Variants in KCNN3 observed in about 807,000 individuals in gnomAD.
KCNN3 encodes small conductance calcium-activated potassium channel protein 3.
In KCNN3, 16 loss-of-function variants were observed where a neutral mutation model predicts 62.9. The ratio of observed to expected loss-of-function variants is 0.25; its 90% CI spans 0.17 to 0.39. The LOEUF is 0.39. KCNN3 is among the 10% of genes least tolerant of loss of function. The pLI, the probability that KCNN3 is intolerant of heterozygous loss-of-function variation, is 1.00. For missense variants in KCNN3, 599 were observed against 949.4 expected (o/e 0.63, Z 4.85); for synonymous variants, 370 against 389.2 (o/e 0.95, Z 0.58).
chr1:154,750,153 G>A (rs1397871846), intron 3 of KCNN3, among the ~76,000 whole-genome samples: 1 of 152,218 alleles, frequency 6.6e-6, no homozygotes, highest in African/African-American at 2.4e-5. Flanking sequence ...ACTATATGGA[G>A]AAAGGAATGG....
chr1:154,829,931 A>C (rs1296757643), intron 1 of KCNN3, among the ~76,000 whole-genome samples: 4 of 151,936 alleles, frequency 2.6e-5, no homozygotes, highest in African/African-American at 9.7e-5. Context: ...CCATTTTCCC[A>C]CTGATGTTGT....
chr1:154,776,379 G>C (rs1648791114), intron 2 of KCNN3, among the ~76,000 whole-genome samples: 1 of 152,292 alleles, frequency 6.6e-6, no homozygotes, highest in Non-Finnish European at 1.5e-5. Context: ...GGATTATTAA[G>C]CTGGCTGGCC....
chr1:154,843,728 C>G (rs1415570985), intron 1 of KCNN3, among the ~76,000 whole-genome samples: 1 of 152,200 alleles, frequency 6.6e-6, no homozygotes, highest in Non-Finnish European at 1.5e-5. Flanking sequence ...CCCGGAGACT[C>G]CTTCTCACCC....
At chr1:154,758,035 G>C (rs1308137524) in intron 3 of KCNN3, among the ~76,000 whole-genome samples, 1 of 152,206 alleles carries the variant, frequency 6.6e-6, no homozygotes, top group African/African-American at 2.4e-5. Flanking sequence ...TTAACCGCCA[G>C]CCTATGGTAC....
Position 154,697,878 on chromosome 1 carries a change from T to A in KCNN3, c.*10098A>T, listed in dbSNP as rs1699771416. 1 of 152,166 alleles carries A rather than the reference T, an allele frequency of 6.6e-6. No individual in the cohort carries two copies. The highest frequency in any genetic ancestry group is 1.5e-5 in the Non-Finnish European group (1 of 68,024). The allele number at this position is 152,166 out of a possible 1,614,324, so 9.4% of individuals were successfully genotyped here. A position where few individuals can be genotyped will look rare whatever the true frequency, so the allele number is the denominator to read the frequency against. ...TGTAGATGAGTCATTTGCTCCTCAGTTTTCTATGGCCCAATTTTCCCATTG... is the reference window on the plus strand; with the variant it reads ...TGTAGATGAGTCATTTGCTCCTCAGATTTCTATGGCCCAATTTTCCCATTG... On this transcript the variant is annotated 3_prime_UTR_variant, in exon 8 of 8. Transcript: ENST00000271915.
chr1:154,824,062 C>A lies in KCNN3; in HGVS notation c.934-1878G>T, dbSNP rs114394332. Among the ~76,000 whole-genome samples, 557 of 152,300 alleles carry A rather than the reference C, an allele frequency of 3.7e-3. 7 individuals are homozygous for A. The highest frequency in any genetic ancestry group is 0.013 in the African/African-American group (537 of 41,550). On this transcript the variant is annotated intron_variant, in intron 1 of 7. Coordinates refer to ENST00000271915, the MANE Select transcript of KCNN3 (RefSeq NM_002249.6). The stretch of plus-strand genomic sequence containing the variant: ...ATTCACTCTTTCACAAAAATTTCAA[C>A]CACTTCTCATTTGCTGAGCACTTGC...
At chr1:154,804,142 C>T (rs1007485035) in intron 2 of KCNN3, among the ~76,000 whole-genome samples, 1 of 152,192 alleles carries the variant, frequency 6.6e-6, no homozygotes, top group African/African-American at 2.4e-5. Context: ...AAGAGACTGG[C>T]TGTTTTCTTG....
chr1:154,779,556 AGTT>A (rs1347603600), intron 2 of KCNN3, among the ~76,000 whole-genome samples: 1 of 152,226 alleles, frequency 6.6e-6, no homozygotes, highest in Non-Finnish European at 1.5e-5. Context: ...GCATTTAAAA[AGTT>A]ATTTTGCAAG....
At chr1:154,829,935 ATGT>A (rs1307930160) in intron 1 of KCNN3, among the ~76,000 whole-genome samples, 3 of 152,020 alleles carry the variant, frequency 2.0e-5, no homozygotes, top group African/African-American at 7.2e-5. Flanking sequence ...TTTCCCACTG[ATGT>A]TGTTCTCACA....
rs796455925 is a variant in KCNN3, at chr1:154,722,052, T to C, written c.1701+3864A>G. The stretch of plus-strand genomic sequence containing the variant: ...CAGAAATTGAGTTCTTACCCAGTGC[T>C]ATCAGACCCTCTTCCCTCCCTACAA... On this transcript the variant is annotated intron_variant, in intron 5 of 7. Coordinates refer to ENST00000271915, the MANE Select transcript of KCNN3 (RefSeq NM_002249.6). 5.9e-5 allele frequency among the ~76,000 whole-genome samples: 9 copies of C among 152,152 alleles called. 3 individuals are homozygous for C. Among genetic ancestry groups the C allele is most frequent in the African/African-American group, 2.2e-4 (9 of 41,490 alleles).
Position 154,869,926 on chromosome 1 carries a change from C to T in KCNN3, c.39G>A (p.Gly13=). 6.2e-7 allele frequency: 1 copy of T among 1,610,762 alleles called. No homozygotes were observed. Among genetic ancestry groups the T allele is most frequent in the South Asian group, 1.1e-5 (1 of 90,398 alleles). ...TSGHFHDSGV[G]DLDEDPKCPC... ...GGCACTTGGGGTCTTCATCCAAGTC[C>T]CCCACCCCCGAGTCATGGAAGTGCC... The change falls in exon 1 of 8, where the codon GGG becomes GGA. Residue 13 remains glycine, a synonymous_variant. Coordinates refer to ENST00000271915, the MANE Select transcript of KCNN3 (RefSeq NM_002249.6). The surrounding 1 kb of genome is among the most constrained non-coding windows in gnomAD (Gnocchi z 6.1).
intron 2 of KCNN3, among the ~76,000 whole-genome samples, chr1:154,811,515 G>T (rs926192858): frequency 1.3e-5 from 2 of 152,200 alleles, no homozygotes; most frequent in Admixed American, 6.5e-5. Context: ...CAGGTCTACG[G>T]ACCGCAGGCT....
At position 154,809,132 on chromosome 1, in the gene KCNN3, A is replaced by G. The variant is rs930801571; in HGVS notation, c.1029+12957T>C. On this transcript the variant is annotated intron_variant, in intron 2 of 7. Transcript: ENST00000271915. This position sits in a 1 kb window ranked among gnomAD's most constrained non-coding sequence, Gnocchi z 4.3. ...CTGAGAACGTCCAGCCACGGTGGCC[A>G]TGCCTCAGCACTCTCCTGTGACACA... 2.0e-5 allele frequency among the ~76,000 whole-genome samples: 3 copies of G among 152,210 alleles called. No homozygotes were observed. Among genetic ancestry groups the G allele is most frequent in the Non-Finnish European group, 4.4e-5 (3 of 68,032 alleles).
rs1456347321 is a variant in KCNN3 at position 154,704,008 on chromosome 1, AG to A, written c.*3967del. On this transcript the variant is annotated 3_prime_UTR_variant, in exon 8 of 8. Transcript: ENST00000271915. The stretch of plus-strand genomic sequence containing the variant: ...TTATTTATTCTGATTTTGTATGACT[AG>A]GTTTCTTCTTTTCCATGATTGTTTA... 2.0e-5 allele frequency: 3 copies of A among 152,234 alleles called. No homozygotes were observed. The highest frequency in any genetic ancestry group is 2.0e-4 in the Admixed American group (3 of 15,284). 9.4% of individuals were successfully genotyped at this position (152,234 alleles called of 1,614,324 possible).
At chr1:154,821,417 T>C (rs1427519154) in intron 2 of KCNN3, among the ~76,000 whole-genome samples, 1 of 152,162 alleles carries the variant, frequency 6.6e-6, no homozygotes. Context: ...TCAGATCTGT[T>C]CTCTCCTGTC....
At chr1:154,843,795 G>T (rs1031468533) in intron 1 of KCNN3, among the ~76,000 whole-genome samples, 10 of 152,342 alleles carry the variant, frequency 6.6e-5, no homozygotes, top group Admixed American at 5.2e-4. Context: ...ATTCCAGACG[G>T]CACTTAACGA....
intron 2 of KCNN3, among the ~76,000 whole-genome samples, chr1:154,779,376 G>A (rs551046483): frequency 9.2e-5 from 14 of 152,032 alleles, no homozygotes; most frequent in African/African-American, 2.4e-4. Flanking sequence ...ACCCTCACCC[G>A]TCCCCACCTT....
At chr1:154,863,321 G>A (rs2101936484) in intron 1 of KCNN3, among the ~76,000 whole-genome samples, 1 of 152,248 alleles carries the variant, frequency 6.6e-6, no homozygotes, top group African/African-American at 2.4e-5. Context: ...ACAGCTCCTG[G>A]GAAAAGCACA....
intron 3 of KCNN3, among the ~76,000 whole-genome samples, chr1:154,738,446 C>G (rs72700226): frequency 6.6e-6 from 1 of 152,094 alleles, no homozygotes; most frequent in Non-Finnish European, 1.5e-5. Flanking sequence ...TTTTCAGATA[C>G]GTAAGGTTGT....
Sources: gnomAD v4.1 joint callset for allele counts (sites outside exome capture counted in the v4.1 genomes callset) on GRCh38, gnomAD v4.1.1 for gene constraint, Gnocchi (gnomAD v3.1) non-coding constraint, MANE v1.5 for transcripts, NCBI Gene and HGNC (gene_info 2026-07-23, HGNC 2026-07-21) for gene names.